The following CREB1 variants were observed in gnomAD, a reference collection of about 807,000 sequenced individuals.
The protein encoded by CREB1 is cyclic AMP-responsive element-binding protein 1.
In CREB1, 2 loss-of-function variants were observed where a neutral mutation model predicts 42.0. The ratio of observed to expected loss-of-function variants is 0.05; its 90% CI spans 0.02 to 0.15. CREB1 has a LOEUF of 0.15. Among genes scored for constraint, CREB1 ranks in the 10% least tolerant of loss-of-function variants. The pLI is 1.00. For synonymous variants in CREB1, 123 were observed against 139.9 expected, an observed-to-expected ratio of 0.88 and a Z score of 0.85; for missense variants, 199 against 388.9, an observed-to-expected ratio of 0.51 and a Z score of 4.11.
intron 7 of CREB1, among the ~76,000 whole-genome samples, chr2:207,579,466 C>A (rs944733949): frequency 1.3e-5 from 2 of 152,128 alleles, no homozygotes; most frequent in East Asian, 1.9e-4. Context: ...AAAATGTTTA[C>A]CCCCGTTGAC....
In CREB1 at chr2:207,603,830, A is replaced by T. The variant is rs530852115; in HGVS notation, c.*6772A>T. ...AAGGAAAGGGGAGGGGATATGGTTA[A>T]TCTTTGCTTAAGCTGTAAGAATAAA... On this transcript the variant is annotated 3_prime_UTR_variant, in exon 8 of 8. Transcript: ENST00000353267. Among the ~76,000 whole-genome samples the T allele has an allele frequency of 2.6e-5, 4 of 152,316 alleles. No homozygotes were observed. The highest frequency in any genetic ancestry group is 9.6e-5 in the African/African-American group (4 of 41,570).
chr2:207,552,944 C>T (rs935814506), intron 1 of CREB1, among the ~76,000 whole-genome samples: 3 of 151,412 alleles, frequency 2.0e-5, no homozygotes, highest in Non-Finnish European at 4.4e-5. Flanking sequence ...TACTTTGACT[C>T]ATTACTGTCA....
intron 7 of CREB1, among the ~76,000 whole-genome samples, chr2:207,590,096 T>TG (rs1249713001): frequency 3.5e-5 from 5 of 142,598 alleles, no homozygotes; most frequent in Middle Eastern, 3.5e-3. Flanking sequence ...TTTTTTTTTT[T>TG]TTTTTTTTTT....
In CREB1 at chr2:207,555,611, C is replaced by T. The variant is rs2081686092; in HGVS notation, c.-8-17C>T. 6.6e-7 allele frequency: 1 copy of T among 1,506,948 alleles called. No individual in the cohort carries two copies. Among genetic ancestry groups the T allele is most frequent in the Non-Finnish European group, 9.2e-7 (1 of 1,085,884 alleles). The allele number at this position is 1,506,948 out of a possible 1,614,324, so 93.3% of individuals were successfully genotyped here. ...AAAGCACTGTGGTGCTTGTAACACTCTTCCATATTATTATAGGTAACTAAA... is the reference window on the plus strand; with the variant it reads ...AAAGCACTGTGGTGCTTGTAACACTTTTCCATATTATTATAGGTAACTAAA... On this transcript the variant is annotated splice_polypyrimidine_tract_variant and intron_variant, in intron 1 of 7. Transcript: ENST00000353267.
chr2:207,530,428 C>T (rs1302613554), intron 1 of CREB1, among the ~76,000 whole-genome samples: 1 of 143,992 alleles, frequency 6.9e-6, no homozygotes, highest in African/African-American at 2.5e-5. Flanking sequence ...TGGGAGCCGG[C>T]GGCCGGGGGT....
chr2:207,551,246 T>TAA (rs2081491807), intron 1 of CREB1, among the ~76,000 whole-genome samples: 1 of 152,238 alleles, frequency 6.6e-6, no homozygotes. Context: ...GATGTTTACC[T>TAA]AAACTACATT....
At chr2:207,567,306 G>C (rs1033069870) in intron 3 of CREB1, among the ~76,000 whole-genome samples, 157 bp from the exon 4 acceptor site, 1 of 152,130 alleles carries the variant, frequency 6.6e-6, no homozygotes, top group Non-Finnish European at 1.5e-5. Context: ...TAAGTAAAGG[G>C]AAGGGGAAAG....
At chr2:207,540,823 A>G (rs949361806) in intron 1 of CREB1, among the ~76,000 whole-genome samples, 1 of 152,204 alleles carries the variant, frequency 6.6e-6, no homozygotes, top group Admixed American at 6.5e-5. Flanking sequence ...GCTATGTGTT[A>G]TTACAAAAGA....
chr2:207,568,304 A>C (rs1377919815), intron 4 of CREB1, among the ~76,000 whole-genome samples: 1 of 152,108 alleles, frequency 6.6e-6, no homozygotes, highest in Non-Finnish European at 1.5e-5. Flanking sequence ...TAAATTAAGA[A>C]TCCTAAGTGA....
chr2:207,530,679 G>A (rs1400589697), intron 1 of CREB1, among the ~76,000 whole-genome samples: 2 of 151,432 alleles, frequency 1.3e-5, no homozygotes, highest in African/African-American at 2.4e-5. Context: ...GGAAGAAGGC[G>A]ACAGTTGAGG....
At chr2:207,535,917 C>G (rs1233609263) in intron 1 of CREB1, among the ~76,000 whole-genome samples, 1 of 151,890 alleles carries the variant, frequency 6.6e-6, no homozygotes, top group Non-Finnish European at 1.5e-5. Flanking sequence ...TGTTTCCTGG[C>G]TCAAGCCATC....
At chr2:207,563,381 T>C (rs2082024280) in intron 3 of CREB1, among the ~76,000 whole-genome samples, 1 of 152,220 alleles carries the variant, frequency 6.6e-6, no homozygotes, top group African/African-American at 2.4e-5. Context: ...ATTGAACTTA[T>C]TTCTTAAAAA....
chr2:207,586,549 A>G (rs2083874535), intron 7 of CREB1, among the ~76,000 whole-genome samples: 1 of 152,214 alleles, frequency 6.6e-6, no homozygotes, highest in East Asian at 1.9e-4. Context: ...AGCAACAAAA[A>G]GAAAAATAGT....
intron 4 of CREB1, among the ~76,000 whole-genome samples, chr2:207,569,951 A>C (rs2082290998): frequency 6.6e-6 from 1 of 150,936 alleles, no homozygotes; most frequent in South Asian, 2.1e-4. Flanking sequence ...AGGCTGTTGC[A>C]GAATTGCTTG....
At chr2:207,559,258 A>T in intron 2 of CREB1, 1 of 964,328 alleles carries the variant, frequency 1.0e-6, no homozygotes, top group Non-Finnish European at 1.2e-6. Context: ...TCTTCCCTGT[A>T]AGTAATAATA....
At chr2:207,576,857 C>T in intron 6 of CREB1, 1 of 957,620 alleles carries the variant, frequency 1.0e-6, no homozygotes, top group South Asian at 4.8e-5. Context: ...AGCAGTTTGA[C>T]AAATAGTGAT....
chr2:207,557,771 TTTTA>T lies in CREB1; in HGVS notation c.114+2026_114+2029del, dbSNP rs1365209685. Among the ~76,000 whole-genome samples, 2 of 152,264 alleles carry T rather than the reference TTTTA, an allele frequency of 1.3e-5. 1 individual carries two copies. The highest frequency in any genetic ancestry group is 4.8e-5 in the African/African-American group (2 of 41,542). Reference sequence around the variant, plus strand: ...TATGGGTGATAGGAATATAAAGGGTTTTTATTTTATTTTTTATATCTGTATTTTA... The same window carrying T: ...TATGGGTGATAGGAATATAAAGGGTTTTTTATTTTTTATATCTGTATTTTA... On this transcript the variant is annotated intron_variant, in intron 2 of 7. Coordinates refer to ENST00000353267, the MANE Select transcript of CREB1 (RefSeq NM_004379.5).
rs149061513 is a variant in CREB1, at chr2:207,540,113, A to G, written c.-9+9979A>G. Among the ~76,000 whole-genome samples, 53 of 152,332 alleles carry G rather than the reference A, an allele frequency of 3.5e-4. No individual in the cohort carries two copies. The East Asian group carries it at 4.3e-3, about 12-fold the overall frequency. ...CGTTTTGGTGAATGACAGATTGCAT[A>G]TACAACAGTGGTCCTGTGCTAGTGT... On this transcript the variant is annotated intron_variant, in intron 1 of 7. Transcript: ENST00000353267.
intron 7 of CREB1, among the ~76,000 whole-genome samples, chr2:207,590,132 ATTTC>A (rs1422495947): frequency 1.2e-5 from 1 of 82,452 alleles, no homozygotes; most frequent in East Asian, 3.7e-4. Context: ...CATTCAGACT[ATTTC>A]TTCTTCAGTG....
Sources: gnomAD v4.1 joint callset for allele counts (sites outside exome capture counted in the v4.1 genomes callset) on GRCh38, gnomAD v4.1.1 for gene constraint, MANE v1.5 for transcripts, NCBI Gene and HGNC (gene_info 2026-07-23, HGNC 2026-07-21) for gene names.